ATP9B: variants seen among roughly 807,000 people sequenced by gnomAD.
The protein encoded by ATP9B is ATPase phospholipid transporting 9B, also known as probable phospholipid-transporting ATPase IIB.
In ATP9B, 110 loss-of-function variants were observed where a neutral mutation model predicts 146.1. The observed-to-expected ratio is 0.75, with a 90% confidence interval of 0.65 to 0.88. The LOEUF (loss-of-function observed/expected upper bound fraction) is 0.88. Ranked by LOEUF, ATP9B falls within the 40% of genes least tolerant of loss-of-function variation. The pLI is 0.00. For synonymous variants in ATP9B, 604 were observed against 569.7 expected (o/e 1.06, Z -0.86); for missense variants, 1,499 against 1,496.4 (o/e 1.00, Z -0.03).
At chr18:79,310,045 C>G (rs149072892) in intron 15 of ATP9B, among the ~76,000 whole-genome samples, 1 of 152,172 alleles carries the variant, frequency 6.6e-6, no homozygotes. Context: ...GCCTAAAACC[C>G]CACTGTTGCT....
intron 10 of ATP9B, among the ~76,000 whole-genome samples, chr18:79,211,106 G>A (rs773484990): frequency 6.6e-6 from 1 of 152,106 alleles, no homozygotes; most frequent in Non-Finnish European, 1.5e-5. Context: ...ATTGCAATAG[G>A]CCTATCATTT....
At chr18:79,231,144 A>G (rs2095787695) in intron 11 of ATP9B, among the ~76,000 whole-genome samples, 1 of 152,238 alleles carries the variant, frequency 6.6e-6, no homozygotes, top group African/African-American at 2.4e-5. Context: ...AGACAGATAG[A>G]TAGACGCGAC....
Position 79,170,045 on chromosome 18 carries a change from C to T in ATP9B, c.779-6768C>T, listed in dbSNP as rs905352241. ...TGTCTTTAATGCTTCCGTTTTGCTG[C>T]GGTGATCACTTGCAAGCTGACTGAG... is the stretch of plus-strand genomic sequence containing the variant. On this transcript the variant is annotated intron_variant, in intron 7 of 29. Coordinates refer to ENST00000426216, the MANE Select transcript of ATP9B (RefSeq NM_198531.5). Among the ~76,000 whole-genome samples the T allele has an allele frequency of 1.8e-4, 28 of 152,308 alleles. 1 individual carries two copies. The highest frequency in any genetic ancestry group is 6.8e-3 in the Middle Eastern group (2 of 294).
intron 8 of ATP9B, among the ~76,000 whole-genome samples, chr18:79,177,443 ATGTTGCC>A (rs2095190478): frequency 6.6e-6 from 1 of 150,838 alleles, no homozygotes; most frequent in Non-Finnish European, 1.5e-5. Context: ...GGGTCTTGCT[ATGTTGCC>A]CAGGCTGGTC....
chr18:79,244,865 C>T (rs2095927408), intron 11 of ATP9B, among the ~76,000 whole-genome samples: 2 of 152,294 alleles, frequency 1.3e-5, no homozygotes, highest in Non-Finnish European at 2.9e-5. Flanking sequence ...CCATGGTCTT[C>T]CCTTTCTTAC....
intron 11 of ATP9B, among the ~76,000 whole-genome samples, chr18:79,249,326 A>G (rs545215181): frequency 1.2e-4 from 19 of 152,318 alleles, no homozygotes; most frequent in African/African-American, 4.1e-4. Context: ...TGTCTTAGAC[A>G]TTATGCACAA....
intron 26 of ATP9B, chr18:79,372,415 T>C (rs1290453422): frequency 2.8e-6 from 1 of 359,518 alleles, no homozygotes; most frequent in African/African-American, 2.1e-5. Context: ...TGTTACGTTC[T>C]GTATCTTTTG....
intron 9 of ATP9B, among the ~76,000 whole-genome samples, chr18:79,203,560 C>T (rs1157059216): frequency 6.6e-6 from 1 of 152,152 alleles, no homozygotes; most frequent in Non-Finnish European, 1.5e-5. Context: ...GTTTATTGGA[C>T]AATGTTCATT....
At chr18:79,106,673 A>G (rs1166960254) in intron 2 of ATP9B, among the ~76,000 whole-genome samples, 1 of 152,252 alleles carries the variant, frequency 6.6e-6, no homozygotes, top group Non-Finnish European at 1.5e-5. Flanking sequence ...CATAATTTAT[A>G]TCATCAAAGT....
chr18:79,325,072 C>A (rs959405339), intron 15 of ATP9B, among the ~76,000 whole-genome samples: 1 of 152,204 alleles, frequency 6.6e-6, no homozygotes, highest in Admixed American at 6.5e-5. Context: ...CCCACAACCC[C>A]TGAGCCCCTC....
intron 11 of ATP9B, among the ~76,000 whole-genome samples, chr18:79,249,254 A>G (rs748333018): frequency 6.6e-6 from 1 of 152,198 alleles, no homozygotes; most frequent in African/African-American, 2.4e-5. Flanking sequence ...AGCATTTTAG[A>G]TTATACAGGC....
intron 1 of ATP9B, among the ~76,000 whole-genome samples, chr18:79,073,385 G>A (rs1158647033): frequency 2.0e-5 from 3 of 152,318 alleles, no homozygotes; most frequent in South Asian, 2.1e-4. Context: ...CCAGCACCCC[G>A]GGAGGCCGAG....
chr18:79,072,253 CAT>C (rs1243949651), intron 1 of ATP9B, among the ~76,000 whole-genome samples: 1 of 151,940 alleles, frequency 6.6e-6, no homozygotes, highest in Non-Finnish European at 1.5e-5. Context: ...AGCAGATAAA[CAT>C]GTGAACAAAG....
chr18:79,315,826 T>G (rs2096676501), intron 15 of ATP9B, among the ~76,000 whole-genome samples: 1 of 152,236 alleles, frequency 6.6e-6, no homozygotes, highest in South Asian at 2.1e-4. Flanking sequence ...CTTAACTGTG[T>G]TGCTAAGCAG....
chr18:79,226,029 C>G (rs964903593), intron 11 of ATP9B, among the ~76,000 whole-genome samples: 4 of 152,226 alleles, frequency 2.6e-5, no homozygotes, highest in African/African-American at 9.6e-5. Flanking sequence ...CAAGGGCTCT[C>G]AGGCCCTTCA....
At chr18:79,330,251 G>A (rs942271439) in intron 17 of ATP9B, 147 bp downstream of exon 17, 1 of 716,928 alleles carries the variant, frequency 1.4e-6, no homozygotes, top group Admixed American at 2.4e-5. Flanking sequence ...GCAGACACTG[G>A]TATCATTGGA....
intron 11 of ATP9B, among the ~76,000 whole-genome samples, chr18:79,219,001 T>A (rs2078874638): frequency 6.6e-6 from 1 of 152,016 alleles, no homozygotes; most frequent in Admixed American, 6.5e-5. Context: ...TACCAATATT[T>A]AAGGGATAAG....
chr18:79,273,806 A>T (rs953917442), intron 12 of ATP9B, among the ~76,000 whole-genome samples: 3 of 152,244 alleles, frequency 2.0e-5, no homozygotes, highest in Non-Finnish European at 4.4e-5. Flanking sequence ...GTGGAGCAGA[A>T]GGAACTTTTT....
At chr18:79,109,769 T>C (rs958381882) in intron 2 of ATP9B, among the ~76,000 whole-genome samples, 1 of 152,130 alleles carries the variant, frequency 6.6e-6, no homozygotes, top group African/African-American at 2.4e-5. Context: ...TTTTACCACA[T>C]TGGCCAGGCT....
Sources: allele counts gnomAD v4.1 joint callset (sites outside exome capture counted in the v4.1 genomes callset), GRCh38; gene constraint gnomAD v4.1.1; transcripts MANE v1.5; gene names NCBI Gene and HGNC (gene_info 2026-07-23, HGNC 2026-07-21).